The following COG5 variants were observed in gnomAD, a reference collection of about 807,000 sequenced individuals.
COG5 encodes component of oligomeric golgi complex 5, also known as conserved oligomeric Golgi complex subunit 5.
A neutral mutation model predicts 110.4 loss-of-function variants in COG5; 86 were observed. The observed-to-expected ratio is 0.78, with a 90% confidence interval of 0.65 to 0.93. The LOEUF is 0.93. COG5 is among the 40% of genes least tolerant of loss of function. The pLI is 0.00. For missense variants in COG5, 1,077 were observed against 987.0 expected (o/e 1.09, Z -1.22); for synonymous variants, 360 against 334.6 (o/e 1.08, Z -0.83).
chr7:107,238,023 G>A (rs932072205), intron 17 of COG5, among the ~76,000 whole-genome samples: 1 of 151,952 alleles, frequency 6.6e-6, no homozygotes, highest in Non-Finnish European at 1.5e-5. Context: ...ATAATAAGGG[G>A]ATACACAGTA....
At chr7:107,411,630 TATATGATATTCA>T (rs575203085) in intron 7 of COG5, among the ~76,000 whole-genome samples, 114 of 152,238 alleles carry the variant, frequency 7.5e-4, no homozygotes, top group African/African-American at 2.6e-3. Flanking sequence ...TTTCATTTTG[TATATGATATTCA>T]ATTTTAAAAG....
intron 21 of COG5, among the ~76,000 whole-genome samples, chr7:107,203,906 A>G (rs1798551768): frequency 6.6e-6 from 1 of 152,000 alleles, no homozygotes; most frequent in African/African-American, 2.4e-5. Flanking sequence ...TGGCTGTGTA[A>G]ATATGTTCTC....
intron 7 of COG5, among the ~76,000 whole-genome samples, chr7:107,384,683 A>G (rs1471308467): frequency 6.6e-6 from 1 of 152,196 alleles, no homozygotes; most frequent in East Asian, 1.9e-4. Context: ...TCATGGGATC[A>G]GTACCCTAAG....
At chr7:107,358,251 G>A (rs938081270) in intron 10 of COG5, among the ~76,000 whole-genome samples, 8 of 152,178 alleles carry the variant, frequency 5.3e-5, no homozygotes, top group Non-Finnish European at 8.8e-5. Context: ...ATAAAAGCTC[G>A]AAATGAGGCC....
intron 10 of COG5, among the ~76,000 whole-genome samples, chr7:107,335,655 A>G (rs1425434060): frequency 6.6e-6 from 1 of 152,152 alleles, no homozygotes; most frequent in African/African-American, 2.4e-5. Flanking sequence ...CAATTGTACA[A>G]TTATAATAAA....
At chr7:107,400,176 G>A (rs1791319976) in intron 7 of COG5, among the ~76,000 whole-genome samples, 1 of 151,846 alleles carries the variant, frequency 6.6e-6, no homozygotes, top group Non-Finnish European at 1.5e-5. Context: ...CTCATCAATA[G>A]GTGAACGTAT....
At chr7:107,510,023 T>C (rs1313836704) in intron 6 of COG5, among the ~76,000 whole-genome samples, 1 of 152,158 alleles carries the variant, frequency 6.6e-6, no homozygotes, top group Non-Finnish European at 1.5e-5. Flanking sequence ...AACATCATAA[T>C]GACAAGACCA....
At chr7:107,499,815 G>C (rs1326353318) in intron 6 of COG5, among the ~76,000 whole-genome samples, 1 of 152,112 alleles carries the variant, frequency 6.6e-6, no homozygotes, top group Non-Finnish European at 1.5e-5. Context: ...TAGAAGTAGG[G>C]ATAGTATCTA....
At chr7:107,490,664 C>T (rs1260020553) in intron 6 of COG5, among the ~76,000 whole-genome samples, 3 of 152,122 alleles carry the variant, frequency 2.0e-5, no homozygotes, top group Non-Finnish European at 4.4e-5. Flanking sequence ...AGGAAATCTA[C>T]TCTGGCTTGT....
chr7:107,496,379 C>T (rs1365504485), intron 6 of COG5, among the ~76,000 whole-genome samples: 1 of 152,130 alleles, frequency 6.6e-6, no homozygotes, highest in Non-Finnish European at 1.5e-5. Context: ...AATCAACTGA[C>T]TGGGCACAGT....
intron 1 of COG5, among the ~76,000 whole-genome samples, chr7:107,561,252 C>G (rs1188600961): frequency 6.6e-6 from 1 of 152,162 alleles, no homozygotes; most frequent in Non-Finnish European, 1.5e-5. Context: ...TCATACTATG[C>G]ATCTGTGCTC....
chr7:107,403,796 G>A (rs963925009), intron 7 of COG5, among the ~76,000 whole-genome samples: 3 of 152,048 alleles, frequency 2.0e-5, no homozygotes, highest in South Asian at 4.1e-4. Flanking sequence ...TAATTTTGGC[G>A]GTTAGGATTT....
At chr7:107,205,718 CA>C (rs1166878060) in intron 21 of COG5, among the ~76,000 whole-genome samples, 1 of 152,158 alleles carries the variant, frequency 6.6e-6, no homozygotes, top group Non-Finnish European at 1.5e-5. Flanking sequence ...GACTCGGCTT[CA>C]ATGCTCCCTT....
At chr7:107,482,667 A>G (rs987819306) in intron 6 of COG5, among the ~76,000 whole-genome samples, 1 of 152,146 alleles carries the variant, frequency 6.6e-6, no homozygotes, top group African/African-American at 2.4e-5. Flanking sequence ...TATATATACT[A>G]TAATCCAGTA....
chr7:107,228,076 G>C (rs1231646609), intron 19 of COG5, among the ~76,000 whole-genome samples: 1 of 152,112 alleles, frequency 6.6e-6, no homozygotes, highest in Non-Finnish European at 1.5e-5. Context: ...GAGGCGGGCA[G>C]ATAGCTTGAG....
intron 6 of COG5, among the ~76,000 whole-genome samples, chr7:107,523,113 TAATA>T (rs1800453985): frequency 6.6e-6 from 1 of 152,204 alleles, no homozygotes; most frequent in Admixed American, 6.5e-5. Context: ...ACATACATCT[TAATA>T]AACAATATTA....
intron 14 of COG5, among the ~76,000 whole-genome samples, chr7:107,275,556 T>C (rs981642524): frequency 6.6e-6 from 1 of 152,140 alleles, no homozygotes; most frequent in African/African-American, 2.4e-5. Flanking sequence ...ATAATACTTT[T>C]ATTTATTTAA....
chr7:107,506,660 T>C (rs903051468), intron 6 of COG5, among the ~76,000 whole-genome samples: 1 of 152,134 alleles, frequency 6.6e-6, no homozygotes, highest in Non-Finnish European at 1.5e-5. Flanking sequence ...AGTAGCAGCA[T>C]CCAGCTAAGT....
chr7:107,239,078 T>C (rs540605144), intron 17 of COG5, among the ~76,000 whole-genome samples: 12 of 152,302 alleles, frequency 7.9e-5, no homozygotes, highest in Admixed American at 2.0e-4. Context: ...TTTTCTTAAA[T>C]TTGTTTTAGT....
Sources: gnomAD v4.1 joint callset for allele counts (sites outside exome capture counted in the v4.1 genomes callset) on GRCh38, gnomAD v4.1.1 for gene constraint, MANE v1.5 for transcripts, NCBI Gene and HGNC (gene_info 2026-07-23, HGNC 2026-07-21) for gene names.